The following INSR variants were observed in gnomAD, a reference collection of about 807,000 sequenced individuals.
INSR encodes IR.
A neutral mutation model predicts 142.6 loss-of-function variants in INSR; 67 were observed. That is an observed-to-expected ratio of 0.47 (90% CI 0.39 to 0.58). INSR has a LOEUF of 0.58. INSR is among the 20% of genes least tolerant of loss of function. The pLI is 0.00. For missense variants in INSR, 1,248 were observed against 1,833.2 expected (o/e 0.68, Z 5.83); for synonymous variants, 756 against 743.1 (o/e 1.02, Z -0.28).
intron 2 of INSR, among the ~76,000 whole-genome samples, chr19:7,212,472 GC>G (rs1249355496): frequency 6.6e-6 from 1 of 152,218 alleles, no homozygotes; most frequent in Non-Finnish European, 1.5e-5. Flanking sequence ...CTGAGGGTCT[GC>G]CATGTTTTGG....
At chr19:7,173,918 G>A (rs977647241) in intron 4 of INSR, among the ~76,000 whole-genome samples, 1 of 151,738 alleles carries the variant, frequency 6.6e-6, no homozygotes, top group Non-Finnish European at 1.5e-5. Flanking sequence ...CACTGCACCC[G>A]GCCCTGAGAT....
chr19:7,153,223 G>C (rs1221164466), intron 9 of INSR, among the ~76,000 whole-genome samples: 2 of 974 alleles, frequency 2.1e-3, no homozygotes, highest in Non-Finnish European at 4.6e-3. Context: ...CCACACACAC[G>C]CACCACACAC....
intron 2 of INSR, among the ~76,000 whole-genome samples, chr19:7,207,166 A>G (rs1236339363): frequency 6.6e-6 from 1 of 152,150 alleles, no homozygotes; most frequent in Non-Finnish European, 1.5e-5. Context: ...CTGTAACCCC[A>G]GCACTTTGGG....
intron 2 of INSR, among the ~76,000 whole-genome samples, chr19:7,210,227 C>A (rs1488440857): frequency 2.0e-5 from 3 of 151,534 alleles, no homozygotes; most frequent in East Asian, 1.9e-4. Flanking sequence ...TGACTGTAAT[C>A]CCAGTTGCTC....
chr19:7,289,519 C>A (rs1968435304), intron 1 of INSR, among the ~76,000 whole-genome samples: 1 of 151,032 alleles, frequency 6.6e-6, no homozygotes, highest in African/African-American at 2.4e-5. Flanking sequence ...GATTCTCCTG[C>A]CTCAGCCTCC....
At chr19:7,201,517 C>G (rs867652259) in intron 2 of INSR, among the ~76,000 whole-genome samples, 1 of 150,894 alleles carries the variant, frequency 6.6e-6, no homozygotes, top group Admixed American at 6.6e-5. Context: ...CCCAGCTACT[C>G]GGGAGGCTGA....
intron 9 of INSR, among the ~76,000 whole-genome samples, chr19:7,153,188 ACACACACAC>A (rs1287461111): frequency 0.016 from 22 of 1,418 alleles, 2 homozygotes; most frequent in African/African-American, 0.028. Flanking sequence ...ACACACAACC[ACACACACAC>A]CACACACACC....
At chr19:7,239,550 T>C (rs1023301393) in intron 2 of INSR, among the ~76,000 whole-genome samples, 2 of 151,964 alleles carry the variant, frequency 1.3e-5, no homozygotes, top group Non-Finnish European at 2.9e-5. Flanking sequence ...ATATACTAGA[T>C]CTAAAAATGC....
chr19:7,178,151 C>T (rs1046844098), intron 3 of INSR, among the ~76,000 whole-genome samples: 3 of 148,480 alleles, frequency 2.0e-5, no homozygotes, highest in South Asian at 4.2e-4. Flanking sequence ...GTCTTCATCC[C>T]GGTTCTTGGC....
intron 19 of INSR, 98 bp from the exon 20 acceptor site, chr19:7,120,847 T>A (rs1599868184): frequency 1.3e-6 from 2 of 1,501,866 alleles, no homozygotes; most frequent in East Asian, 4.6e-5. Flanking sequence ...CTAAGAGGGG[T>A]TCACCTGGCC....
chr19:7,257,887 A>G (rs899981516), intron 2 of INSR, among the ~76,000 whole-genome samples: 2 of 152,124 alleles, frequency 1.3e-5, no homozygotes, highest in African/African-American at 4.8e-5. Context: ...CAGTGGCGCA[A>G]TCTCCACTCA....
intron 1 of INSR, among the ~76,000 whole-genome samples, chr19:7,271,172 A>T (rs1967916082): frequency 6.6e-6 from 1 of 152,182 alleles, no homozygotes; most frequent in Non-Finnish European, 1.5e-5. Context: ...AGCTAAAACC[A>T]AAAAGAGTGA....
chr19:7,272,230 A>G (rs1335004283), intron 1 of INSR, among the ~76,000 whole-genome samples: 2 of 151,908 alleles, frequency 1.3e-5, no homozygotes, highest in East Asian at 3.9e-4. Context: ...CACTTGAACC[A>G]GAGAGTTGGA....
At chr19:7,238,012 A>T (rs546733370) in intron 2 of INSR, among the ~76,000 whole-genome samples, 22 of 152,266 alleles carry the variant, frequency 1.4e-4, no homozygotes, top group African/African-American at 5.3e-4. Flanking sequence ...GTTTCCCTCC[A>T]TCTTGGGCAT....
chr19:7,214,218 G>C (rs1419110396), intron 2 of INSR, among the ~76,000 whole-genome samples: 3 of 152,156 alleles, frequency 2.0e-5, no homozygotes, highest in African/African-American at 7.2e-5. Context: ...ATTTTCCCCA[G>C]AGGGAGGCAA....
chr19:7,207,965 G>A (rs923770646), intron 2 of INSR, among the ~76,000 whole-genome samples: 1 of 150,448 alleles, frequency 6.6e-6, no homozygotes, highest in African/African-American at 2.4e-5. Flanking sequence ...AGGGAGGGAG[G>A]GAGGCAAAGA....
chr19:7,126,275 G>A (rs1179560375), intron 16 of INSR, among the ~76,000 whole-genome samples: 1 of 152,208 alleles, frequency 6.6e-6, no homozygotes, highest in Non-Finnish European at 1.5e-5. Context: ...CCAGCAAAAT[G>A]TAGCTACATG....
chr19:7,158,045 G>GTATTATTATTAT lies in INSR; in HGVS notation c.2029+4975_2029+4986dup, dbSNP rs72379188. Among the ~76,000 whole-genome samples, 218 of 141,270 alleles carry GTATTATTATTAT rather than the reference G, an allele frequency of 1.5e-3. 1 individual carries two copies. The highest frequency in any genetic ancestry group is 4.6e-3 in the African/African-American group (174 of 37,422). The allele number at this position is 141,270 out of a possible 152,430, so 92.7% of individuals were successfully genotyped here. A position where few individuals can be genotyped will look rare whatever the true frequency, so the allele number is the denominator to read the frequency against. ...ACTGCCTGAATAAGGGAAGCTCCTG[G>GTATTATTATTAT]TATTATTATTATTATTATTATTATT... On this transcript the variant is annotated intron_variant, in intron 9 of 21. Transcript: ENST00000302850.
chr19:7,142,728 T>C, intron 12 of INSR, 88 bp downstream of exon 12: 3 of 1,475,604 alleles, frequency 2.0e-6, no homozygotes, highest in Admixed American at 1.7e-5. Context: ...AAAATACAGA[T>C]ATGCACTGCT....
Sources: gnomAD v4.1 joint callset for allele counts (sites outside exome capture counted in the v4.1 genomes callset) on GRCh38, gnomAD v4.1.1 for gene constraint, MANE v1.5 for transcripts, NCBI Gene and HGNC (gene_info 2026-07-23, HGNC 2026-07-21) for gene names.